CACNA2D1: variants seen among roughly 807,000 people sequenced by gnomAD.
The protein encoded by CACNA2D1 is calcium voltage-gated channel auxiliary subunit alpha2delta 1.
Under a neutral mutation model 171.5 loss-of-function variants are expected in CACNA2D1, and 53 were observed. The ratio of observed to expected loss-of-function variants is 0.31; its 90% CI spans 0.25 to 0.39. CACNA2D1 has a LOEUF of 0.39. CACNA2D1 is among the 10% of genes least tolerant of loss of function. The pLI, the probability that CACNA2D1 is intolerant of heterozygous loss-of-function variation, is 1.00. For synonymous variants in CACNA2D1, 442 were observed against 443.1 expected (o/e 1.00, Z 0.03); for missense variants, 903 against 1,299.8 (o/e 0.69, Z 4.69).
chr7:82,369,182 T>TAA (rs1369707420), intron 1 of CACNA2D1, among the ~76,000 whole-genome samples: 1 of 152,150 alleles, frequency 6.6e-6, no homozygotes, highest in African/African-American at 2.4e-5. Context: ...AGTAATTATT[T>TAA]ATTTATCAAA....
At chr7:82,227,337 C>A (rs1802468748) in intron 3 of CACNA2D1, among the ~76,000 whole-genome samples, 1 of 152,094 alleles carries the variant, frequency 6.6e-6, no homozygotes. Flanking sequence ...ACAAGTGCAA[C>A]TGATCTGAAA....
intron 1 of CACNA2D1, among the ~76,000 whole-genome samples, chr7:82,440,669 G>C (rs1830432431): frequency 6.6e-6 from 1 of 151,704 alleles, no homozygotes; most frequent in Non-Finnish European, 1.5e-5. Flanking sequence ...CTTAGAACAG[G>C]TTAACTACTA....
Position 82,012,251 on chromosome 7 carries a change from TG to T in CACNA2D1, c.1273-9del, listed in dbSNP as rs760642663. On this transcript the variant is annotated splice_polypyrimidine_tract_variant and intron_variant, in intron 14 of 38. Transcript: ENST00000356860. ...CAAAACATCCAAATATTCCTGTTTA[TG>T]GGAAAAAAAAAAAAAGTCGTGGTTA... 2.2e-5 allele frequency: 30 copies of T among 1,384,562 alleles called. No individual in the cohort carries two copies. The highest frequency in any genetic ancestry group is 2.9e-5 in the Non-Finnish European group (29 of 1,014,882). 85.8% of individuals were successfully genotyped at this position (1,384,562 alleles called of 1,614,324 possible).
At chr7:81,962,113 G>A in intron 35 of CACNA2D1, 90 bp from the exon 36 acceptor site, 1 of 1,272,480 alleles carries the variant, frequency 7.9e-7, no homozygotes, top group South Asian at 1.2e-5. Context: ...TTCTCACAGA[G>A]CAAAATAAAC....
At chr7:82,179,627 G>C (rs1426212598) in intron 3 of CACNA2D1, among the ~76,000 whole-genome samples, 1 of 151,952 alleles carries the variant, frequency 6.6e-6, no homozygotes, top group African/African-American at 2.4e-5. Context: ...TACATATCTA[G>C]CAATTATTTT....
At chr7:82,032,353 T>A (rs923347350) in intron 12 of CACNA2D1, among the ~76,000 whole-genome samples, 7 of 151,916 alleles carry the variant, frequency 4.6e-5, no homozygotes, top group Non-Finnish European at 1.0e-4. Context: ...GTAAACTGCC[T>A]TTTTGTAAAT....
At position 82,007,629 on chromosome 7, in the gene CACNA2D1, C is replaced by T. The variant is rs139119609; in HGVS notation, c.1440+50G>A. On this transcript the variant is annotated intron_variant, in intron 16 of 38. Coordinates refer to ENST00000356860, the MANE Select transcript of CACNA2D1 (RefSeq NM_000722.4). Reference sequence around the variant, plus strand: ...ATATCTTATCCATGTTGAGCTTCAACGTCACAGTTTGTCATTTATTATTAT... The same window carrying T: ...ATATCTTATCCATGTTGAGCTTCAATGTCACAGTTTGTCATTTATTATTAT... The T allele has an allele frequency of 2.0e-3, 1,888 of 958,002 alleles. 11 individuals are homozygous for T. The highest frequency in any genetic ancestry group is 0.018 in the African/African-American group (1,089 of 61,420). 59.3% of individuals were successfully genotyped at this position (958,002 alleles called of 1,614,324 possible). A position where few individuals can be genotyped will look rare whatever the true frequency, so the allele number is the denominator to read the frequency against.
intron 4 of CACNA2D1, among the ~76,000 whole-genome samples, chr7:82,162,483 T>A (rs1159545764): frequency 6.6e-6 from 1 of 151,942 alleles, no homozygotes. Flanking sequence ...AGGAGGTCAT[T>A]TTGCACAGCA....
chr7:82,408,447 A>G (rs979222454), intron 1 of CACNA2D1, among the ~76,000 whole-genome samples: 5 of 152,126 alleles, frequency 3.3e-5, no homozygotes, highest in Admixed American at 2.0e-4. Flanking sequence ...CTGACTTACT[A>G]ATGTATGATA....
intron 3 of CACNA2D1, among the ~76,000 whole-genome samples, chr7:82,173,264 C>T (rs902765490): frequency 6.6e-6 from 1 of 151,994 alleles, no homozygotes; most frequent in African/African-American, 2.4e-5. Context: ...TCCAAATCGG[C>T]TTTATTTATA....
chr7:82,164,540 G>T (rs1014928016), intron 4 of CACNA2D1, among the ~76,000 whole-genome samples: 1 of 151,992 alleles, frequency 6.6e-6, no homozygotes. Context: ...TACTGTTCTA[G>T]GGAAATGTCC....
chr7:82,248,913 C>T (rs568657198), intron 3 of CACNA2D1, among the ~76,000 whole-genome samples: 16 of 151,974 alleles, frequency 1.1e-4, no homozygotes, highest in East Asian at 5.8e-4. Context: ...GTCAGAAGAT[C>T]GAGACCATCC....
At chr7:82,343,200 G>A (rs965114853) in intron 2 of CACNA2D1, 1 of 152,132 alleles carries the variant, frequency 6.6e-6, no homozygotes, top group Non-Finnish European at 1.5e-5. Context: ...TATTTGCTGT[G>A]ATACAGCTTC....
At chr7:82,226,695 A>T (rs1288360290) in intron 3 of CACNA2D1, among the ~76,000 whole-genome samples, 1 of 152,246 alleles carries the variant, frequency 6.6e-6, no homozygotes, top group African/African-American at 2.4e-5. Flanking sequence ...AGGAAGAAGA[A>T]ATAAATACTA....
intron 3 of CACNA2D1, among the ~76,000 whole-genome samples, chr7:82,263,641 A>G (rs1476475699): frequency 6.6e-6 from 1 of 152,230 alleles, no homozygotes; most frequent in East Asian, 1.9e-4. Flanking sequence ...AGATAACTTA[A>G]AAGAGACATT....
intron 1 of CACNA2D1, among the ~76,000 whole-genome samples, chr7:82,435,466 T>C (rs1231167295): frequency 6.6e-6 from 1 of 152,164 alleles, no homozygotes; most frequent in East Asian, 1.9e-4. Flanking sequence ...GCCTACAAAA[T>C]TTAATGACAC....
intron 3 of CACNA2D1, among the ~76,000 whole-genome samples, chr7:82,178,442 T>C (rs1197841703): frequency 6.6e-6 from 1 of 152,100 alleles, no homozygotes. Flanking sequence ...GTTGTCCAAA[T>C]GAATATAATT....
At chr7:82,265,173 T>C (rs1807663714) in intron 3 of CACNA2D1, among the ~76,000 whole-genome samples, 1 of 152,188 alleles carries the variant, frequency 6.6e-6, no homozygotes, top group South Asian at 2.1e-4. Flanking sequence ...AGGCGATACA[T>C]GGCTGAATGA....
chr7:82,188,369 A>G (rs1797974798), intron 3 of CACNA2D1, among the ~76,000 whole-genome samples: 2 of 152,124 alleles, frequency 1.3e-5, no homozygotes, highest in South Asian at 2.1e-4. Flanking sequence ...TAATTTAAGC[A>G]AAATAATAAA....
Sources: gnomAD v4.1 joint callset for allele counts (sites outside exome capture counted in the v4.1 genomes callset) on GRCh38, gnomAD v4.1.1 for gene constraint, MANE v1.5 for transcripts, NCBI Gene and HGNC (gene_info 2026-07-23, HGNC 2026-07-21) for gene names.